MMRN2: variants seen among roughly 807,000 people sequenced by gnomAD.
MMRN2 encodes multimerin-2.
In MMRN2, 53 loss-of-function variants were observed where a neutral mutation model predicts 68.8. That is an observed-to-expected ratio of 0.77 (90% CI 0.62 to 0.97). The LOEUF is 0.97. MMRN2 is among the 50% of genes least tolerant of loss of function. The pLI, the probability that MMRN2 is intolerant of heterozygous loss-of-function variation, is 0.00. For missense variants in MMRN2, 1,266 were observed against 1,259.5 expected (o/e 1.01, Z -0.08); for synonymous variants, 564 against 551.6 (o/e 1.02, Z -0.32).
At position 86,936,860 on chromosome 10, in the gene MMRN2, A is replaced by T. The variant is rs770988319; in HGVS notation, c.2733T>A (p.Phe911Leu). The change falls in exon 7 of 7, where the codon TTT becomes TTA. Residue 911 changes from phenylalanine (F) to leucine (L), a missense_variant. Phe to Leu is a conservative substitution (Grantham distance 22). Transcript: ENST00000372027. ...GQGSGSTATV[F>L]AMAELQKGER... The stretch of plus-strand genomic sequence containing the variant: ...CACCCTTCTGCAGCTCAGCCATGGC[A>T]AAGACCGTTGCTGTGCTTCCACTCC... 1 of 1,614,204 alleles carries T rather than the reference A, an allele frequency of 6.2e-7. No homozygotes were observed. Among genetic ancestry groups the T allele is most frequent in the East Asian group, 2.2e-5 (1 of 44,886 alleles).
chr10:86,954,648 C>T (rs901412983), intron 1 of MMRN2, among the ~76,000 whole-genome samples: 1 of 152,224 alleles, frequency 6.6e-6, no homozygotes, highest in African/African-American at 2.4e-5. Context: ...TTAACTTGAC[C>T]ATTCCAGGGG....
At chr10:86,956,715 C>A (rs1844239955) in intron 1 of MMRN2, among the ~76,000 whole-genome samples, 1 of 152,214 alleles carries the variant, frequency 6.6e-6, no homozygotes, top group African/African-American at 2.4e-5. Flanking sequence ...GGCCCTGAGA[C>A]TGGGGGCCCC....
intron 6 of MMRN2, among the ~76,000 whole-genome samples, chr10:86,937,869 GTTGAAGACAGAACC>G (rs1843903167): frequency 6.6e-6 from 1 of 152,208 alleles, no homozygotes; most frequent in African/African-American, 2.4e-5. Flanking sequence ...CCTCCTGGAT[GTTGAAGACAGAACC>G]TTGGAGAAAG....
chr10:86,941,811 A>AG lies in MMRN2; in HGVS notation c.2467+505_2467+506insC, dbSNP rs1299409337. On this transcript the variant is annotated intron_variant, in intron 6 of 6. Transcript: ENST00000372027. ...TGAGACCCATCTTAAAAAAAAAAAA[A>AG]AAAAGAAAAGAAAAAGAAAAAAAAA... Among the ~76,000 whole-genome samples the AG allele has an allele frequency of 1.3e-3, 195 of 145,750 alleles. 2 individuals carry two copies. The highest frequency in any genetic ancestry group is 8.8e-4 in the Non-Finnish European group (59 of 66,764).
chr10:86,952,875 C>T (rs1219911478), intron 1 of MMRN2, among the ~76,000 whole-genome samples: 3 of 152,126 alleles, frequency 2.0e-5, no homozygotes, highest in Non-Finnish European at 4.4e-5. Context: ...TATCTCAGTC[C>T]TTATCACAAC....
At chr10:86,941,821 G>C (rs71503856) in intron 6 of MMRN2, among the ~76,000 whole-genome samples, 2 of 67,654 alleles carry the variant, frequency 3.0e-5, no homozygotes, top group African/African-American at 1.1e-4. Flanking sequence ...AAAAAGAAAA[G>C]AAAAAGAAAA....
Position 86,936,640 on chromosome 10 carries a change from A to C in MMRN2, c.*103T>G. The C allele has an allele frequency of 2.3e-5, 32 of 1,414,520 alleles. No homozygotes were observed. The highest frequency in any genetic ancestry group is 2.7e-5 in the Non-Finnish European group (28 of 1,030,834). The allele number at this position is 1,414,520 out of a possible 1,614,324, so 87.6% of individuals were successfully genotyped here. On this transcript the variant is annotated 3_prime_UTR_variant, in exon 7 of 7. Transcript: ENST00000372027. ...CATCTTTGCAGAAGGTTTCCAGGGA[A>C]GAGACAGACCAACTGAATGACCTCC...
rs370702596 is a variant in MMRN2, at chr10:86,942,561, C to G, written c.2223G>C (p.Gln741His). ...HGLHNALFAT[Q>H]RSLEQHQRLF... ...GCCGCTGGTGCTGCTCCAAGCTGCG[C>G]TGAGTGGCGAAGAGTGCGTTGTGGA... The change falls in exon 6 of 7, where the codon CAG (glutamine) becomes CAC (histidine). Residue 741 changes from glutamine to histidine, a missense_variant. Transcript: ENST00000372027. The G allele has an allele frequency of 8.5e-4, 1,379 of 1,613,046 alleles. 21 individuals carry two copies. The South Asian group carries it at 0.014, about 17-fold the overall frequency.
intron 1 of MMRN2, among the ~76,000 whole-genome samples, chr10:86,956,951 G>A (rs1405493723): frequency 6.6e-6 from 1 of 152,220 alleles, no homozygotes; most frequent in Non-Finnish European, 1.5e-5. Flanking sequence ...GCTCACTGCT[G>A]GGCAGTCAGA....
In MMRN2 at chr10:86,945,366, C is replaced by G; in HGVS notation, c.400+4G>C. On this transcript the variant is annotated splice_donor_region_variant and intron_variant, in intron 3 of 6. Transcript: ENST00000372027. ...GGGGGGAAGGGGGCCGCAGGGAGCC[C>G]TACCGTGGTGCTCGCAGTTGGGGCC... The G allele has an allele frequency of 6.3e-7, 1 of 1,596,952 alleles. No homozygotes were observed. The highest frequency in any genetic ancestry group is 1.1e-5 in the South Asian group (1 of 89,244).
Position 86,937,141 on chromosome 10 carries a change from A to G in MMRN2, c.2468-16T>C. 6.2e-7 allele frequency: 1 copy of G among 1,612,166 alleles called. No individual in the cohort carries two copies. Among genetic ancestry groups the G allele is most frequent in the Non-Finnish European group, 8.5e-7 (1 of 1,178,674 alleles). ...ACAGGGGATCCTGAAACATAACAGG[A>G]CAGTGCTTAGTGATTCATCCCTTAC... On this transcript the variant is annotated splice_polypyrimidine_tract_variant and intron_variant, in intron 6 of 6. Transcript: ENST00000372027.
At chr10:86,941,033 TCACTAG>T (rs1445789584) in intron 6 of MMRN2, among the ~76,000 whole-genome samples, 1 of 152,244 alleles carries the variant, frequency 6.6e-6, no homozygotes, top group Non-Finnish European at 1.5e-5. Flanking sequence ...CCTCTGCTGC[TCACTAG>T]CTGTGCAAGC....
chr10:86,947,381 T>G (rs1248999024), intron 1 of MMRN2, among the ~76,000 whole-genome samples: 2 of 151,872 alleles, frequency 1.3e-5, no homozygotes, highest in African/African-American at 4.8e-5. Flanking sequence ...GACTTTTTTT[T>G]TTTTGAGACG....
intron 1 of MMRN2, among the ~76,000 whole-genome samples, chr10:86,953,626 G>T (rs1376758260): frequency 1.3e-5 from 2 of 152,150 alleles, no homozygotes; most frequent in African/African-American, 4.8e-5. Context: ...TATCTCATGG[G>T]TGGGGCCCAA....
chr10:86,955,312 C>T (rs572793170), intron 1 of MMRN2, among the ~76,000 whole-genome samples: 12 of 152,332 alleles, frequency 7.9e-5, no homozygotes, highest in African/African-American at 2.6e-4. Flanking sequence ...CAGCCTCTTC[C>T]TCCCGGAGTC....
At chr10:86,939,878 T>A (rs573654807) in intron 6 of MMRN2, among the ~76,000 whole-genome samples, 2 of 149,588 alleles carry the variant, frequency 1.3e-5, no homozygotes, top group East Asian at 4.0e-4. Context: ...TGAGACAGAG[T>A]CCTACTCTGC....
Position 86,942,767 on chromosome 10 carries a change from G to A in MMRN2, c.2017C>T (p.Arg673Trp), listed in dbSNP as rs1171422014. Residue 673 changes from arginine (R) to tryptophan (W), a missense_variant, in exon 6 of 7, where the codon CGG becomes TGG. Transcript: ENST00000372027. ...TALEQASEPP[R>W]PAEHLEPSHD... ...CTGGGCTCCAGGTGCTCTGCCGGCC[G>A]CGGGGGCTCCGAGGCCTGCTCCAGG... 6.6e-6 allele frequency: 9 copies of A among 1,373,140 alleles called. No individual in the cohort carries two copies. Among genetic ancestry groups the A allele is most frequent in the Non-Finnish European group, 6.5e-6 (7 of 1,069,976 alleles). 85.1% of individuals were successfully genotyped at this position (1,373,140 alleles called of 1,614,324 possible). A position where few individuals can be genotyped will look rare whatever the true frequency, so the allele number is the denominator to read the frequency against.
chr10:86,939,736 A>T (rs757003299), intron 6 of MMRN2, among the ~76,000 whole-genome samples: 3 of 151,764 alleles, frequency 2.0e-5, no homozygotes, highest in East Asian at 1.9e-4. Flanking sequence ...GCAAACTCAG[A>T]GTGTGCTTCC....
intron 1 of MMRN2, among the ~76,000 whole-genome samples, chr10:86,955,984 G>T (rs1329110168): frequency 1.3e-5 from 2 of 152,132 alleles, no homozygotes; most frequent in Admixed American, 1.3e-4. Flanking sequence ...CAACCAAGGG[G>T]GTGGGGAGGA....
Sources: allele counts gnomAD v4.1 joint callset (sites outside exome capture counted in the v4.1 genomes callset), GRCh38; gene constraint gnomAD v4.1.1; transcripts MANE v1.5; gene names NCBI Gene and HGNC (gene_info 2026-07-23, HGNC 2026-07-21).